Variants in SH3PXD2B observed in about 807,000 individuals in gnomAD.
SH3PXD2B encodes the protein SH3 and PX domains 2B, also known as SH3 and PX domain-containing protein 2B.
Under a neutral mutation model 73.1 loss-of-function variants are expected in SH3PXD2B, and 37 were observed. The ratio of observed to expected loss-of-function variants is 0.51; its 90% CI spans 0.39 to 0.67. SH3PXD2B has a LOEUF of 0.67. Ranked by LOEUF, SH3PXD2B falls within the 30% of genes least tolerant of loss-of-function variation. The probability of loss-of-function intolerance (pLI) is 0.00; values close to 1 mark genes in which losing one functional copy is unlikely to be tolerated. For missense variants in SH3PXD2B, 1,053 were observed against 1,197.8 expected (o/e 0.88, Z 1.78); for synonymous variants, 457 against 480.5 (o/e 0.95, Z 0.64).
At chr5:172,412,307 G>A (rs533161069) in intron 2 of SH3PXD2B, among the ~76,000 whole-genome samples, 1 of 152,284 alleles carries the variant, frequency 6.6e-6, no homozygotes, top group East Asian at 1.9e-4. Context: ...CCAATCCAGT[G>A]GCCACTAGCC....
At chr5:172,404,036 G>A (rs1274936283) in intron 3 of SH3PXD2B, among the ~76,000 whole-genome samples, 2 of 152,254 alleles carry the variant, frequency 1.3e-5, no homozygotes, top group Non-Finnish European at 2.9e-5. Context: ...CAGCTGGCCA[G>A]CGGGGTTTTC....
chr5:172,419,275 C>T (rs1305316958), intron 2 of SH3PXD2B, among the ~76,000 whole-genome samples: 2 of 151,990 alleles, frequency 1.3e-5, no homozygotes, highest in Non-Finnish European at 2.9e-5. Context: ...CGTGCCTCGA[C>T]ATGTCAGCAA....
At chr5:172,422,378 T>G in intron 2 of SH3PXD2B, 38 bp downstream of exon 2, 1 of 1,551,564 alleles carries the variant, frequency 6.4e-7, no homozygotes, top group Non-Finnish European at 8.8e-7. Context: ...TTAAACTCTT[T>G]CCGATCCTGC....
At chr5:172,394,069 G>A (rs1025987086) in intron 4 of SH3PXD2B, among the ~76,000 whole-genome samples, 2 of 151,592 alleles carry the variant, frequency 1.3e-5, no homozygotes, top group Non-Finnish European at 2.9e-5. Context: ...TCGGCCTCCC[G>A]AGTAGCTGGG....
chr5:172,442,017 T>C (rs1759561081), intron 1 of SH3PXD2B, among the ~76,000 whole-genome samples: 1 of 152,172 alleles, frequency 6.6e-6, no homozygotes, highest in African/African-American at 2.4e-5. Flanking sequence ...CACTGTCCTC[T>C]CTCCTGTAGA....
chr5:172,329,829 G>A (rs1289903339), downstream of SH3PXD2B, among the ~76,000 whole-genome samples: 1 of 152,126 alleles, frequency 6.6e-6, no homozygotes, highest in Non-Finnish European at 1.5e-5. Context: ...AAGCCACTGT[G>A]CCCGGCCAGC....
intron 1 of SH3PXD2B, among the ~76,000 whole-genome samples, chr5:172,443,381 C>T (rs1389098616): frequency 1.3e-5 from 2 of 152,210 alleles, no homozygotes; most frequent in South Asian, 2.1e-4. Context: ...TCCCCTTCTA[C>T]GTTCAAGGGC....
intron 2 of SH3PXD2B, among the ~76,000 whole-genome samples, chr5:172,418,138 G>A (rs1472233274): frequency 6.6e-6 from 1 of 152,154 alleles, no homozygotes; most frequent in African/African-American, 2.4e-5. Flanking sequence ...TCTGAGCTCT[G>A]AGGCTCACTA....
intron 2 of SH3PXD2B, among the ~76,000 whole-genome samples, chr5:172,410,000 G>GCCAAAGTGCTGGGATTACAGGCATGAT (rs1758656029): frequency 6.6e-6 from 1 of 152,358 alleles, no homozygotes; most frequent in South Asian, 2.1e-4. Flanking sequence ...ACAGGCATGA[G>GCCAAAGTGCTGGGATTACAGGCATGAT]CCACTGTGCC....
At position 172,422,474 on chromosome 5, in the gene SH3PXD2B, C is replaced by G; in HGVS notation, c.98G>C (p.Trp33Ser). Residue 33 changes from tryptophan (W) to serine (S), a missense_variant, in exon 2 of 13, where the codon TGG (tryptophan) becomes TCG (serine). By Grantham distance (177) the Trp-to-Ser change is radical. Coordinates refer to ENST00000311601, the MANE Select transcript of SH3PXD2B (RefSeq NM_001017995.3). ...KHYVYIIRVT[W>S]SSGSTEAIYR... is the part of the protein sequence containing the mutation. ...AATGGCCTCGGTGGAGCCGCTGGAC[C>G]ACGTGACCCGGATGATGTAGACCTG... 6.2e-7 allele frequency: 1 copy of G among 1,611,976 alleles called. No individual in the cohort carries two copies. Among genetic ancestry groups the G allele is most frequent in the African/African-American group, 1.3e-5 (1 of 74,918 alleles).
At chr5:172,364,391 G>A (rs1002014657) in intron 6 of SH3PXD2B, among the ~76,000 whole-genome samples, 4 of 152,136 alleles carry the variant, frequency 2.6e-5, no homozygotes, top group Admixed American at 6.5e-5. Context: ...TTGGCCAGGC[G>A]TGGTGGCTCA....
intron 2 of SH3PXD2B, among the ~76,000 whole-genome samples, chr5:172,416,832 C>T (rs959512161): frequency 2.0e-5 from 3 of 151,772 alleles, no homozygotes; most frequent in African/African-American, 7.3e-5. Context: ...CCTCAGCCTC[C>T]CAAGTAGCCT....
intron 10 of SH3PXD2B, among the ~76,000 whole-genome samples, chr5:172,348,658 T>C (rs373877931): frequency 2.4e-5 from 1 of 41,080 alleles, no homozygotes; most frequent in South Asian, 1.1e-3. Context: ...ATCTATCCTA[T>C]CTATCTATCT....
intron 3 of SH3PXD2B, among the ~76,000 whole-genome samples, chr5:172,396,296 T>C (rs1758296252): frequency 6.7e-6 from 1 of 150,132 alleles, no homozygotes; most frequent in Admixed American, 6.6e-5. Context: ...ATCACTCGCA[T>C]CTGGGAGGCA....
chr5:172,368,488 T>C (rs1464873102), intron 6 of SH3PXD2B, among the ~76,000 whole-genome samples: 2 of 11,966 alleles, frequency 1.7e-4, no homozygotes, highest in African/African-American at 7.8e-4. Context: ...ATATAAAATA[T>C]ATATATATTA....
chr5:172,343,052 G>C (rs544973228), intron 12 of SH3PXD2B, among the ~76,000 whole-genome samples: 115 of 152,334 alleles, frequency 7.5e-4, no homozygotes, highest in Non-Finnish European at 1.4e-3. Context: ...TTTTGCAGCC[G>C]CAAGAGCTAA....
chr5:172,357,056 C>A (rs564107633), intron 8 of SH3PXD2B, among the ~76,000 whole-genome samples: 1 of 139,868 alleles, frequency 7.1e-6, no homozygotes, highest in African/African-American at 2.7e-5. Context: ...GAATTCAAGG[C>A]TGCAGTGAGC....
At chr5:172,400,786 C>T (rs1758406250) in intron 3 of SH3PXD2B, among the ~76,000 whole-genome samples, 1 of 152,218 alleles carries the variant, frequency 6.6e-6, no homozygotes, top group Non-Finnish European at 1.5e-5. Context: ...CATTTATACA[C>T]TTGTATTAAC....
At position 172,337,756 on chromosome 5, in the gene SH3PXD2B, A is replaced by G. The variant is rs1581257454; in HGVS notation, c.*613T>C. ...GGCGGCTGAGCGGATCTCCAGGCCC[A>G]CTCCTGGGGGAGCCGCATCCAGTGG... is the stretch of plus-strand genomic sequence containing the variant. On this transcript the variant is annotated 3_prime_UTR_variant, in exon 13 of 13. Transcript: ENST00000311601. The G allele has an allele frequency of 1.0e-6, 1 of 994,534 alleles. No individual in the cohort carries two copies. Among genetic ancestry groups the G allele is most frequent in the South Asian group, 4.5e-5 (1 of 22,262 alleles). 61.6% of individuals were successfully genotyped at this position (994,534 alleles called of 1,614,324 possible). A position where few individuals can be genotyped will look rare whatever the true frequency, so the allele number is the denominator to read the frequency against.
Sources: gnomAD v4.1 joint callset for allele counts (sites outside exome capture counted in the v4.1 genomes callset) on GRCh38, gnomAD v4.1.1 for gene constraint, MANE v1.5 for transcripts, NCBI Gene and HGNC (gene_info 2026-07-23, HGNC 2026-07-21) for gene names.